FSD2: variants seen among roughly 807,000 people sequenced by gnomAD.
FSD2 encodes fibronectin type III and SPRY domain-containing protein 2.
Under a neutral mutation model 80.4 loss-of-function variants are expected in FSD2, and 71 were observed. The observed-to-expected ratio is 0.88, with a 90% CI of 0.73 to 1.08. The LOEUF is 1.08. Ranked by LOEUF, FSD2 falls within the 50% of genes least tolerant of loss-of-function variation. FSD2 has a pLI of 0.00. For missense variants in FSD2, 923 were observed against 913.8 expected (o/e 1.01, Z -0.13); for synonymous variants, 361 against 329.5 (o/e 1.10, Z -1.03).
At position 82,786,889 on chromosome 15, in the gene FSD2, C is replaced by G. The variant is rs374908990; in HGVS notation, c.502G>C (p.Glu168Gln). The G allele has an allele frequency of 5.0e-6, 8 of 1,613,966 alleles. No homozygotes were observed. Among genetic ancestry groups the G allele is most frequent in the East Asian group, 2.2e-5 (1 of 44,882 alleles). Residue 168 changes from glutamate (E) to glutamine (Q), a missense_variant, in exon 2 of 13, where the codon GAG (glutamate) becomes CAG (glutamine). Glu to Gln is a conservative substitution (Grantham distance 29). Coordinates refer to ENST00000334574, the MANE Select transcript of FSD2 (RefSeq NM_001007122.4). ...SEEYECYVIP[E>Q]EEDEEEAADV... ...GCAGCTTCTTCTTCATCCTCTTCCT[C>G]GGGGATGACATAGCATTCATACTCC... is the stretch of plus-strand genomic sequence containing the variant.
rs979074782 is a variant in FSD2, at chr15:82,765,182, C to T, written c.1804G>A (p.Asp602Asn). The part of the protein sequence containing the change: ...RTPARELSPS[D>N]THFTRCVAVM... ...ACAAAGTACCTGGTGAAGTGAGTGT[C>T]GCTGGGTGACAGCTCCCTGGCGGGG... Residue 602 changes from aspartate (D) to asparagine (N), a missense_variant, in exon 11 of 13, where the codon GAC (aspartate) becomes AAC (asparagine). Asp to Asn is a conservative substitution (Grantham distance 23). Transcript: ENST00000334574. The T allele has an allele frequency of 6.9e-6, 11 of 1,604,232 alleles. No individual in the cohort carries two copies. The highest frequency in any genetic ancestry group is 1.7e-5 in the Admixed American group (1 of 58,130).
intron 3 of FSD2, among the ~76,000 whole-genome samples, chr15:82,784,838 C>G (rs1285091151): frequency 6.6e-6 from 1 of 152,136 alleles, no homozygotes; most frequent in Non-Finnish European, 1.5e-5. Context: ...CTCCTCAGTC[C>G]TGGTTGACCT....
intron 1 of FSD2, among the ~76,000 whole-genome samples, chr15:82,798,752 GCT>G (rs2050337547): frequency 6.6e-6 from 1 of 152,016 alleles, no homozygotes; most frequent in African/African-American, 2.4e-5. Context: ...TCCCCTATCA[GCT>G]CTGTTTAACT....
intron 8 of FSD2, 43 bp downstream of exon 8, chr15:82,769,707 G>T (rs761741846): frequency 1.3e-6 from 2 of 1,575,020 alleles, no homozygotes; most frequent in African/African-American, 1.4e-5. Context: ...TCCTGTGTCC[G>T]CTTGAATGAA....
chr15:82,760,233 A>C (rs1205544967), intron 12 of FSD2, among the ~76,000 whole-genome samples: 1 of 152,248 alleles, frequency 6.6e-6, no homozygotes, highest in Non-Finnish European at 1.5e-5. Context: ...CATTTGAAAC[A>C]GGGAACCTTG....
chr15:82,781,893 A>AC (rs1353635235), intron 4 of FSD2, among the ~76,000 whole-genome samples: 4 of 150,498 alleles, frequency 2.7e-5, no homozygotes, highest in African/African-American at 9.8e-5. Flanking sequence ...CCCCGTCTCT[A>AC]CTAAAAAAAA....
chr15:82,766,006 C>G lies in FSD2; in HGVS notation c.1579G>C (p.Glu527Gln). 1 of 1,590,158 alleles carries G rather than the reference C, an allele frequency of 6.3e-7. No individual in the cohort carries two copies. The highest frequency in any genetic ancestry group is 8.6e-7 in the Non-Finnish European group (1 of 1,169,526). Reference protein sequence around the residue: ...TESVVGIPTCESVVQLQPGRS... With the variant: ...TESVVGIPTCQSVVQLQPGRS... ...CCCGGCTGCAGCTGCACCACGGACT[C>G]GCAGGTCGGGATGCCCACAACAGAC... The change falls in exon 10 of 13, where the codon GAG becomes CAG. Residue 527 changes from glutamate (E) to glutamine (Q), a missense_variant. Glu to Gln is a conservative substitution (Grantham distance 29). Transcript: ENST00000334574.
chr15:82,771,813 G>C (rs922609527), intron 7 of FSD2, among the ~76,000 whole-genome samples: 2 of 152,232 alleles, frequency 1.3e-5, no homozygotes, highest in Non-Finnish European at 2.9e-5. Context: ...GGCAGCCAGA[G>C]ACTGGTCCCA....
At chr15:82,801,635 A>G (rs558332456) in intron 1 of FSD2, among the ~76,000 whole-genome samples, 1 of 152,186 alleles carries the variant, frequency 6.6e-6, no homozygotes, top group East Asian at 1.9e-4. Context: ...TCCTAACCCA[A>G]TGCCATGTAT....
chr15:82,764,583 ATTC>A (rs1309681336), intron 11 of FSD2, among the ~76,000 whole-genome samples: 2 of 144,592 alleles, frequency 1.4e-5, no homozygotes, highest in African/African-American at 2.6e-5. Flanking sequence ...GGTTCAAGCA[ATTC>A]TTCTGCCTCA....
At chr15:82,799,452 A>C (rs2050359072) in intron 1 of FSD2, among the ~76,000 whole-genome samples, 1 of 152,142 alleles carries the variant, frequency 6.6e-6, no homozygotes, top group Non-Finnish European at 1.5e-5. Context: ...GATCTCATCC[A>C]GTCTCACAGC....
In FSD2 at chr15:82,787,331, G is replaced by A. The variant is rs1336885000; in HGVS notation, c.60C>T (p.His20=). Residue 20 remains histidine (H), a synonymous_variant, in exon 2 of 13, where the codon CAC becomes CAT. Transcript: ENST00000334574. ...GLDRSTPKDF[H]FYHMDLYDSE... Reference sequence around the variant, plus strand: ...AGTCATACAGGTCCATGTGGTAAAAGTGGAAATCCTTGGGAGTAGACCTGT... The same window carrying A: ...AGTCATACAGGTCCATGTGGTAAAAATGGAAATCCTTGGGAGTAGACCTGT... The A allele has an allele frequency of 4.3e-6, 7 of 1,613,778 alleles. 1 individual carries two copies. The South Asian group carries it at 6.6e-5, about 15-fold the overall frequency.
chr15:82,800,376 T>C (rs1377017591), intron 1 of FSD2, among the ~76,000 whole-genome samples: 2 of 152,034 alleles, frequency 1.3e-5, no homozygotes, highest in African/African-American at 4.8e-5. Context: ...TATGTTAAGA[T>C]GGTCTGGAGG....
intron 4 of FSD2, among the ~76,000 whole-genome samples, chr15:82,782,104 T>TAATAATAATA (rs749972634): frequency 6.7e-5 from 8 of 118,942 alleles, no homozygotes; most frequent in South Asian, 2.8e-4. Context: ...ATAATAATAA[T>TAATAATAATA]AAAACTCTTG....
chr15:82,771,060 T>C (rs1358442533), intron 7 of FSD2, among the ~76,000 whole-genome samples: 1 of 151,040 alleles, frequency 6.6e-6, no homozygotes, highest in Non-Finnish European at 1.5e-5. Context: ...ACTCTCACCC[T>C]CCCTCATCAT....
Position 82,787,078 on chromosome 15 carries a change from G to A in FSD2, c.313C>T (p.Pro105Ser). 6.2e-7 allele frequency: 1 copy of A among 1,613,938 alleles called. No individual in the cohort carries two copies. Among genetic ancestry groups the A allele is most frequent in the Non-Finnish European group, 8.5e-7 (1 of 1,179,880 alleles). ...GGGTCTCTCCTCTTCATCATATAAG[G>A]AGGATATTCTGAAACCCCTGTTCTG... ...IPRTGVSEYP[P>S]YMMKRRDPAR... Residue 105 changes from proline (P) to serine (S), a missense_variant, in exon 2 of 13, where the codon CCT becomes TCT. Physicochemically the swap from Pro to Ser is moderately conservative, Grantham distance 74. Transcript: ENST00000334574.
At position 82,793,986 on chromosome 15, in the gene FSD2, T is replaced by A. The variant is rs374555770; in HGVS notation, c.-78-6518A>T. Among the ~76,000 whole-genome samples, 4 of 152,030 alleles carry A rather than the reference T, an allele frequency of 2.6e-5. No individual in the cohort carries two copies. In the East Asian group the frequency reaches 7.7e-4, roughly 29 times the overall value. On this transcript the variant is annotated intron_variant, in intron 1 of 12. Coordinates refer to ENST00000334574, the MANE Select transcript of FSD2 (RefSeq NM_001007122.4). The stretch of plus-strand genomic sequence containing the variant: ...AATTTTCCCTATTGTTTTTCTGTTA[T>A]CTATTTCATTAATTTCCACTCTAAT...
At chr15:82,771,756 G>C (rs1336710565) in intron 7 of FSD2, among the ~76,000 whole-genome samples, 1 of 152,220 alleles carries the variant, frequency 6.6e-6, no homozygotes, top group East Asian at 1.9e-4. Context: ...AGCCAGCCCA[G>C]CAGGGCCTCC....
At chr15:82,777,930 G>A (rs2049751875) in intron 6 of FSD2, among the ~76,000 whole-genome samples, 1 of 150,262 alleles carries the variant, frequency 6.7e-6, no homozygotes, top group South Asian at 2.1e-4. Context: ...TGGTGTGAAT[G>A]TAAAATCATG....
Sources: allele counts gnomAD v4.1 joint callset (sites outside exome capture counted in the v4.1 genomes callset), GRCh38; gene constraint gnomAD v4.1.1; transcripts MANE v1.5; gene names NCBI Gene and HGNC (gene_info 2026-07-23, HGNC 2026-07-21).